The following CACNG1 variants were observed in gnomAD, a reference collection of about 807,000 sequenced individuals.
CACNG1 encodes calcium voltage-gated channel auxiliary subunit gamma 1.
CACNG1 carries 21 observed loss-of-function variants against 22.0 expected under a neutral mutation model. The observed-to-expected ratio is 0.95, with a 90% CI of 0.68 to 1.37. The LOEUF is 1.37. CACNG1 is among the 40% of genes most tolerant of loss of function. CACNG1 has a pLI of 0.00. For synonymous variants in CACNG1, 127 were observed against 129.2 expected (o/e 0.98, Z 0.12); for missense variants, 291 against 308.6 (o/e 0.94, Z 0.43).
chr17:67,051,793 G>A (rs1207349683), intron 1 of CACNG1, among the ~76,000 whole-genome samples: 1 of 152,204 alleles, frequency 6.6e-6, no homozygotes, highest in Admixed American at 6.5e-5. Flanking sequence ...TTTATCTGGT[G>A]GGGATTTGGT....
intron 1 of CACNG1, among the ~76,000 whole-genome samples, chr17:67,046,501 T>A (rs548037603): frequency 6.6e-6 from 1 of 152,214 alleles, no homozygotes; most frequent in South Asian, 2.1e-4. Context: ...AGAAGACTCA[T>A]AAGTGCCCAG....
rs552285516 is a variant in CACNG1 at position 67,054,535 on chromosome 17, T to C, written c.304+465T>C. Reference sequence around the variant, plus strand: ...TCCGCAGAGCTCAGACGCACACCCATTGTCGGGAGTACAGACCCGTGCCTG... The same window carrying C: ...TCCGCAGAGCTCAGACGCACACCCACTGTCGGGAGTACAGACCCGTGCCTG... On this transcript the variant is annotated intron_variant, in intron 2 of 3. Coordinates refer to ENST00000226021, the MANE Select transcript of CACNG1 (RefSeq NM_000727.4). This position sits in a 1 kb window ranked among gnomAD's most constrained non-coding sequence, Gnocchi z 4.6. Among the ~76,000 whole-genome samples the C allele has an allele frequency of 1.2e-4, 19 of 152,062 alleles. No individual in the cohort carries two copies. Among genetic ancestry groups the C allele is most frequent in the Non-Finnish European group, 2.6e-4 (18 of 68,010 alleles).
intron 1 of CACNG1, among the ~76,000 whole-genome samples, chr17:67,047,161 G>C (rs1317502856): frequency 6.6e-6 from 1 of 152,080 alleles, no homozygotes; most frequent in East Asian, 1.9e-4. Context: ...GTAGCCCTGT[G>C]TGCCAAATAT....
At position 67,044,902 on chromosome 17, in the gene CACNG1, C is replaced by T. The variant is rs1248426236; in HGVS notation, c.229+13C>T. 6.3e-7 allele frequency: 1 copy of T among 1,595,876 alleles called. No homozygotes were observed. Among genetic ancestry groups the T allele is most frequent in the African/African-American group, 1.3e-5 (1 of 74,680 alleles). ...ACCCTGCCCGGGGGTAACGTACCCA[C>T]CCTCCGTCCCGATCCCCACCTCCTG... On this transcript the variant is annotated intron_variant, in intron 1 of 3. Transcript: ENST00000226021. This position sits in a 1 kb window ranked among gnomAD's most constrained non-coding sequence, Gnocchi z 6.9.
chr17:67,050,693 T>C lies in CACNG1; in HGVS notation c.230-3303T>C, dbSNP rs78461506. On this transcript the variant is annotated intron_variant, in intron 1 of 3. Transcript: ENST00000226021. ...TATTAACTCAAGTTCAGCTTGGAGC[T>C]AAATGTGGCTTCTGCTCTAATTCTT... Among the ~76,000 whole-genome samples the C allele has an allele frequency of 9.7e-3, 1,471 of 152,292 alleles. 63 individuals are homozygous for C. The East Asian group carries it at 0.14, about 14-fold the overall frequency.
intron 1 of CACNG1, among the ~76,000 whole-genome samples, chr17:67,045,531 T>A (rs1257806318): frequency 6.7e-6 from 1 of 148,492 alleles, no homozygotes; most frequent in East Asian, 2.0e-4. Flanking sequence ...CTTCTTTTTT[T>A]TTTTTTTTTT....
chr17:67,051,682 C>G (rs540434521), intron 1 of CACNG1, among the ~76,000 whole-genome samples: 12 of 152,350 alleles, frequency 7.9e-5, no homozygotes, highest in African/African-American at 2.4e-4. Context: ...AGCATCCCCC[C>G]AGAAGCTCAC....
chr17:67,054,054 A>T lies in CACNG1; in HGVS notation c.288A>T (p.Glu96Asp). 1 of 1,614,096 alleles carries T rather than the reference A, an allele frequency of 6.2e-7. No homozygotes were observed. The highest frequency in any genetic ancestry group is 8.5e-7 in the Non-Finnish European group (1 of 1,179,956). The part of the protein sequence containing the change: ...FNPGESSEIF[E>D]FTTQKEYSIS... Reference sequence around the variant, plus strand: ...CCGGCGAGAGCTCGGAGATCTTCGAATTCACCACTCAGAAGGGTGAGCCTG... The same window carrying T: ...CCGGCGAGAGCTCGGAGATCTTCGATTTCACCACTCAGAAGGGTGAGCCTG... The change falls in exon 2 of 4, where the codon GAA becomes GAT. Residue 96 changes from glutamate to aspartate, a missense_variant. Transcript: ENST00000226021. This position sits in a 1 kb window ranked among gnomAD's most constrained non-coding sequence, Gnocchi z 4.6.
intron 1 of CACNG1, among the ~76,000 whole-genome samples, chr17:67,048,317 A>AAC (rs1555583124): frequency 3.7e-5 from 3 of 80,052 alleles, no homozygotes; most frequent in African/African-American, 1.7e-4. Context: ...CCAAAAAAAA[A>AAC]AAAAAAAACA....
intron 1 of CACNG1, among the ~76,000 whole-genome samples, chr17:67,049,572 T>C (rs1046005210): frequency 7.0e-6 from 1 of 143,158 alleles, no homozygotes; most frequent in Non-Finnish European, 1.6e-5. Context: ...CTACAGGTGG[T>C]TCTCATTCTA....
chr17:67,044,564 C>T lies in CACNG1; in HGVS notation c.-97C>T, dbSNP rs574926169. The T allele has an allele frequency of 1.0e-4, 79 of 787,302 alleles. No individual in the cohort carries two copies. The highest frequency in any genetic ancestry group is 1.5e-4 in the Non-Finnish European group (71 of 469,068). The allele number at this position is 787,302 out of a possible 1,614,324, so 48.8% of individuals were successfully genotyped here. A position where few individuals can be genotyped will look rare whatever the true frequency, so the allele number is the denominator to read the frequency against. ...CTAAACTTAGTGGCCACTCCCAGCT[C>T]GACAACCACTGCCACCCCCCAAGCT... On this transcript the variant is annotated 5_prime_UTR_variant, in exon 1 of 4. Transcript: ENST00000226021. The surrounding 1 kb of genome is among the most constrained non-coding windows in gnomAD (Gnocchi z 6.9).
In CACNG1 at chr17:67,056,037, G is replaced by A. The variant is rs112559599; in HGVS notation, c.443-8G>A. On this transcript the variant is annotated splice_polypyrimidine_tract_variant and splice_region_variant and intron_variant, in intron 3 of 3. Transcript: ENST00000226021. The surrounding 1 kb of genome is among the most constrained non-coding windows in gnomAD (Gnocchi z 4.3). Reference sequence around the variant, plus strand: ...TCGGTCCCTGAGCATGCCTGGCTCTGCCCCCAGGTCTCTGCATCCTCGTCT... The same window carrying A: ...TCGGTCCCTGAGCATGCCTGGCTCTACCCCCAGGTCTCTGCATCCTCGTCT... 41 of 1,606,780 alleles carry A rather than the reference G, an allele frequency of 2.6e-5. No individual in the cohort carries two copies. The highest frequency in any genetic ancestry group is 1.9e-4 in the African/African-American group (14 of 74,946).
intron 1 of CACNG1, among the ~76,000 whole-genome samples, chr17:67,049,188 A>G (rs1015559859): frequency 6.6e-6 from 1 of 152,214 alleles, no homozygotes; most frequent in Non-Finnish European, 1.5e-5. Flanking sequence ...CTCACCACAT[A>G]TGAGGAATCC....
chr17:67,045,712 G>A (rs1191562282), intron 1 of CACNG1, among the ~76,000 whole-genome samples: 4 of 151,810 alleles, frequency 2.6e-5, no homozygotes, highest in Admixed American at 6.6e-5. Flanking sequence ...CAGTAGAGAC[G>A]GGGTTTCACC....
intron 1 of CACNG1, among the ~76,000 whole-genome samples, chr17:67,046,353 G>A (rs1462976782): frequency 1.3e-5 from 2 of 152,030 alleles, no homozygotes; most frequent in African/African-American, 2.4e-5. Flanking sequence ...AGGACACTAG[G>A]GCTAAGTCCC....
At position 67,055,323 on chromosome 17, in the gene CACNG1, G is replaced by A. The variant is rs2035755311; in HGVS notation, c.442+83G>A. On this transcript the variant is annotated intron_variant, in intron 3 of 3. Transcript: ENST00000226021. The surrounding 1 kb of genome is among the most constrained non-coding windows in gnomAD (Gnocchi z 4.5). ...TCCGCTCCACCCTCATGCCCACCGC[G>A]AGATTTGGGTGAGGGGCATTTCCCA... is the stretch of plus-strand genomic sequence containing the variant. 1 of 1,473,350 alleles carries A rather than the reference G, an allele frequency of 6.8e-7. No individual in the cohort carries two copies. Among genetic ancestry groups the A allele is most frequent in the Non-Finnish European group, 9.2e-7 (1 of 1,087,322 alleles). 91.3% of individuals were successfully genotyped at this position (1,473,350 alleles called of 1,614,324 possible).
chr17:67,055,221 C>A lies in CACNG1; in HGVS notation c.423C>A (p.Ser141=). The A allele has an allele frequency of 6.2e-7, 1 of 1,614,104 alleles. No homozygotes were observed. ...KKRDYLLRPA[S]MFYAFAGLCI... is the part of the protein sequence containing the mutation. Reference sequence around the variant, plus strand: ...GGGACTATCTGCTGCGACCCGCGTCCATGTTCTATGCCTTTGCAGGTAGAC... The same window carrying A: ...GGGACTATCTGCTGCGACCCGCGTCAATGTTCTATGCCTTTGCAGGTAGAC... The change falls in exon 3 of 4, where the codon TCC becomes TCA. Residue 141 remains serine (S), a synonymous_variant. Transcript: ENST00000226021. This position sits in a 1 kb window ranked among gnomAD's most constrained non-coding sequence, Gnocchi z 4.5.
At chr17:67,046,893 C>A (rs1368653195) in intron 1 of CACNG1, among the ~76,000 whole-genome samples, 1 of 152,208 alleles carries the variant, frequency 6.6e-6, no homozygotes, top group African/African-American at 2.4e-5. Context: ...CAGGATCTAC[C>A]TCTTTGCCTT....
chr17:67,056,101 G>T lies in CACNG1; in HGVS notation c.499G>T (p.Asp167Tyr), dbSNP rs1337223333. The T allele has an allele frequency of 1.2e-6, 2 of 1,613,656 alleles. No individual in the cohort carries two copies. The highest frequency in any genetic ancestry group is 1.7e-5 in the Admixed American group (1 of 60,012). Residue 167 changes from aspartate to tyrosine, a missense_variant, in exon 4 of 4, where the codon GAC (aspartate) becomes TAC (tyrosine). Physicochemically the swap from Asp to Tyr is radical, Grantham distance 160. Transcript: ENST00000226021. The surrounding 1 kb of genome is among the most constrained non-coding windows in gnomAD (Gnocchi z 4.3). ...GCGGCAGTCGGTGAAGCGCATGATT[G>T]ACAGTGAGGACACCGTCTGGATCGA... ...VMRQSVKRMI[D>Y]SEDTVWIEYY...
Sources: gnomAD v4.1 joint callset for allele counts (sites outside exome capture counted in the v4.1 genomes callset) on GRCh38, gnomAD v4.1.1 for gene constraint, Gnocchi (gnomAD v3.1) non-coding constraint, MANE v1.5 for transcripts, NCBI Gene and HGNC (gene_info 2026-07-23, HGNC 2026-07-21) for gene names.